RPP14: variants seen among roughly 807,000 people sequenced by gnomAD.
The protein encoded by RPP14 is ribonuclease P/MRP subunit p14.
RPP14 carries 19 observed loss-of-function variants against 17.8 expected under a neutral mutation model. The observed-to-expected ratio is 1.07, with a 90% CI of 0.74 to 1.57. The LOEUF (loss-of-function observed/expected upper bound fraction) is 1.57, where lower values mean the gene tolerates loss of function less well. Among genes scored for constraint, RPP14 ranks in the 40% most tolerant of loss-of-function variants. The pLI, the probability that RPP14 is intolerant of heterozygous loss-of-function variation, is 0.00. For missense variants in RPP14, 125 were observed against 140.8 expected, an observed-to-expected ratio of 0.89 and a Z score of 0.57; for synonymous variants, 60 against 56.4, an observed-to-expected ratio of 1.06 and a Z score of -0.29.
chr3:58,309,784 C>T (rs1472550333), intron 1 of RPP14, among the ~76,000 whole-genome samples: 1 of 151,946 alleles, frequency 6.6e-6, no homozygotes, highest in Non-Finnish European at 1.5e-5. Flanking sequence ...CCCAGCTACT[C>T]GGGAGGCTGA....
rs35853424 is a variant in RPP14, at chr3:58,312,960, C to CAA, written c.162+2388_162+2389dup. Among the ~76,000 whole-genome samples, 716 of 78,890 alleles carry CAA rather than the reference C, an allele frequency of 9.1e-3. 12 individuals are homozygous for CAA. Among genetic ancestry groups the CAA allele is most frequent in the African/African-American group, 0.024 (461 of 19,574 alleles). The allele number at this position is 78,890 out of a possible 152,430, so 51.8% of individuals were successfully genotyped here. On this transcript the variant is annotated intron_variant, in intron 3 of 5. Transcript: ENST00000295959. The stretch of plus-strand genomic sequence containing the variant: ...TGGGCAACAGAGCAAGACTCTGTCT[C>CAA]AAAAAAAAAAAAAAAAAAAAGGGCT...
intron 3 of RPP14, among the ~76,000 whole-genome samples, chr3:58,314,675 ATTTTTTTTTT>A (rs751757663): frequency 1.4e-4 from 13 of 90,560 alleles, no homozygotes; most frequent in Non-Finnish European, 2.5e-4. Flanking sequence ...GTTTGGCAGT[ATTTTTTTTTT>A]TTTTTTTTTT....
chr3:58,309,139 C>T (rs888748317), intron 1 of RPP14, among the ~76,000 whole-genome samples: 4 of 152,200 alleles, frequency 2.6e-5, no homozygotes, highest in East Asian at 1.9e-4. Context: ...GACGGCAGAA[C>T]GACCATCCCT....
At chr3:58,309,230 C>A (rs952436770) in intron 1 of RPP14, among the ~76,000 whole-genome samples, 3 of 152,166 alleles carry the variant, frequency 2.0e-5, no homozygotes, top group Non-Finnish European at 4.4e-5. Flanking sequence ...TCCTTTATGT[C>A]TTTTCTTTTT....
intron 1 of RPP14, 71 bp from the exon 2 acceptor site, chr3:58,310,238 C>A: frequency 7.8e-7 from 1 of 1,282,210 alleles, no homozygotes; most frequent in Non-Finnish European, 1.1e-6. Context: ...CCCAAATAGG[C>A]CAAATTCTCA....
intron 3 of RPP14, among the ~76,000 whole-genome samples, 196 bp from the exon 4 acceptor site, chr3:58,316,319 C>T (rs2097488245): frequency 2.6e-5 from 4 of 152,206 alleles, no homozygotes; most frequent in Admixed American, 2.0e-4. Flanking sequence ...TGAGAGACAT[C>T]AGCCATATGA....
chr3:58,317,413 G>A, intron 5 of RPP14, 27 bp from the exon 6 acceptor site: 2 of 1,530,354 alleles, frequency 1.3e-6, no homozygotes, highest in Non-Finnish European at 1.8e-6. Context: ...TTCTCCCAAT[G>A]CCTTAACCTT....
At chr3:58,314,797 G>T (rs2097486603) in intron 3 of RPP14, among the ~76,000 whole-genome samples, 1 of 145,672 alleles carries the variant, frequency 6.9e-6, no homozygotes, top group Admixed American at 7.4e-5. Context: ...CGATTCTCCT[G>T]TCTCAGCCTC....
At position 58,312,960 on chromosome 3, in the gene RPP14, CAAAAAAA is replaced by C. The variant is rs35853424; in HGVS notation, c.162+2383_162+2389del. 1.3e-4 allele frequency among the ~76,000 whole-genome samples: 10 copies of C among 79,040 alleles called. No homozygotes were observed. The South Asian group carries it at 4.0e-3, about 32-fold the overall frequency. 51.9% of individuals were successfully genotyped at this position (79,040 alleles called of 152,430 possible). A position where few individuals can be genotyped will look rare whatever the true frequency, so the allele number is the denominator to read the frequency against. ...TGGGCAACAGAGCAAGACTCTGTCT[CAAAAAAA>C]AAAAAAAAAAAAAGGGCTGGGCACG... On this transcript the variant is annotated intron_variant, in intron 3 of 5. Coordinates refer to ENST00000295959, the MANE Select transcript of RPP14 (RefSeq NM_007042.6).
chr3:58,319,438 C>A lies in RPP14; in HGVS notation c.*1942C>A, dbSNP rs2097492117. On this transcript the variant is annotated 3_prime_UTR_variant, in exon 6 of 6. Transcript: ENST00000295959. Reference sequence around the variant, plus strand: ...AGCTACTATTATTGTTGCCCATTTCCCCTGCAACTGAGGTGAGAGGTTTTC... The same window carrying A: ...AGCTACTATTATTGTTGCCCATTTCACCTGCAACTGAGGTGAGAGGTTTTC... The A allele has an allele frequency of 6.6e-6, 1 of 152,174 alleles. No individual in the cohort carries two copies. Among genetic ancestry groups the A allele is most frequent in the Non-Finnish European group, 1.5e-5 (1 of 68,034 alleles). 9.4% of individuals were successfully genotyped at this position (152,174 alleles called of 1,614,324 possible).
At chr3:58,314,991 A>G (rs1436002231) in intron 3 of RPP14, among the ~76,000 whole-genome samples, 1 of 151,994 alleles carries the variant, frequency 6.6e-6, no homozygotes, top group Non-Finnish European at 1.5e-5. Context: ...GGCCAGCAGT[A>G]TCTTTAACAA....
chr3:58,313,652 T>C (rs1327255507), intron 3 of RPP14, among the ~76,000 whole-genome samples: 1 of 152,008 alleles, frequency 6.6e-6, no homozygotes, highest in Non-Finnish European at 1.5e-5. Flanking sequence ...TGAAACCCCA[T>C]CTCTACAAAA....
At chr3:58,314,675 A>ATTTTTTTTTTTTTTTTTTTT (rs751757663) in intron 3 of RPP14, among the ~76,000 whole-genome samples, 22 of 90,566 alleles carry the variant, frequency 2.4e-4, no homozygotes, top group African/African-American at 1.8e-4. Context: ...GTTTGGCAGT[A>ATTTTTTTTTTTTTTTTTTTT]TTTTTTTTTT....
rs542707292 is a variant in RPP14, at chr3:58,314,409, A to G, written c.163-2106A>G. On this transcript the variant is annotated intron_variant, in intron 3 of 5. Coordinates refer to ENST00000295959, the MANE Select transcript of RPP14 (RefSeq NM_007042.6). ...TATCAGAACTCAACCAAACAATTCA[A>G]TTAGAAAATGGGCAAAAACATTAAC... Among the ~76,000 whole-genome samples the G allele has an allele frequency of 7.2e-5, 11 of 152,268 alleles. No homozygotes were observed. The South Asian group carries it at 2.1e-3, about 29-fold the overall frequency.
intron 1 of RPP14, chr3:58,310,058 G>T (rs575195306): frequency 4.8e-6 from 2 of 415,230 alleles, no homozygotes; most frequent in Non-Finnish European, 8.7e-6. Flanking sequence ...AAATCTGCTG[G>T]ATGTGGTGGC....
intron 1 of RPP14, chr3:58,307,671 A>ACAGAGTGCGACTCCC (rs982573755): frequency 1.3e-5 from 2 of 152,248 alleles, no homozygotes; most frequent in Non-Finnish European, 2.9e-5. Flanking sequence ...AGCCTGGGCG[A>ACAGAGTGCGACTCCC]CAGAGTGAGA....
chr3:58,316,888 CTA>C, intron 4 of RPP14, 25 bp from the exon 5 acceptor site: 2 of 1,567,230 alleles, frequency 1.3e-6, no homozygotes, highest in Non-Finnish European at 1.8e-6. Context: ...CTATGACACA[CTA>C]TGTATTTTCT....
At chr3:58,315,384 G>T (rs1428314793) in intron 3 of RPP14, among the ~76,000 whole-genome samples, 1 of 152,008 alleles carries the variant, frequency 6.6e-6, no homozygotes, top group East Asian at 1.9e-4. Context: ...AGGAGTAGGG[G>T]AGGAGGGGTG....
Position 58,320,167 on chromosome 3 carries a change from A to G in RPP14, c.*2671A>G, listed in dbSNP as rs1284719088. ...AGTACATCATTTTATTTTATGGCTG[A>G]ATAATATTCCATTGTATTTACCCAT... is the stretch of plus-strand genomic sequence containing the variant. On this transcript the variant is annotated 3_prime_UTR_variant, in exon 6 of 6. Coordinates refer to ENST00000295959, the MANE Select transcript of RPP14 (RefSeq NM_007042.6). 6.6e-6 allele frequency: 1 copy of G among 152,076 alleles called. No individual in the cohort carries two copies. The highest frequency in any genetic ancestry group is 1.5e-5 in the Non-Finnish European group (1 of 68,034). 9.4% of individuals were successfully genotyped at this position (152,076 alleles called of 1,614,324 possible). A position where few individuals can be genotyped will look rare whatever the true frequency, so the allele number is the denominator to read the frequency against.
Sources: gnomAD v4.1 joint callset for allele counts (sites outside exome capture counted in the v4.1 genomes callset) on GRCh38, gnomAD v4.1.1 for gene constraint, MANE v1.5 for transcripts, NCBI Gene and HGNC (gene_info 2026-07-23, HGNC 2026-07-21) for gene names.